NPEPPS: variants seen among roughly 807,000 people sequenced by gnomAD.
The protein encoded by NPEPPS is puromycin-sensitive aminopeptidase.
Under a neutral mutation model 115.5 loss-of-function variants are expected in NPEPPS, and 14 were observed. The observed-to-expected ratio is 0.12, with a 90% confidence interval of 0.08 to 0.19. The LOEUF is 0.19. Among genes scored for constraint, NPEPPS ranks in the 10% least tolerant of loss-of-function variants. The probability of loss-of-function intolerance (pLI) is 1.00; values close to 1 mark genes in which losing one functional copy is unlikely to be tolerated. For synonymous variants in NPEPPS, 285 were observed against 390.6 expected, an observed-to-expected ratio of 0.73 and a Z score of 3.19; for missense variants, 523 against 1,110.8, an observed-to-expected ratio of 0.47 and a Z score of 7.52.
chr17:47,540,670 A>G (rs1259583827), intron 1 of NPEPPS, among the ~76,000 whole-genome samples: 1 of 152,218 alleles, frequency 6.6e-6, no homozygotes, highest in Non-Finnish European at 1.5e-5. Flanking sequence ...GAAGCTTTAT[A>G]AACTGTTAGG....
At chr17:47,567,031 G>C (rs1910865867) in intron 2 of NPEPPS, among the ~76,000 whole-genome samples, 1 of 152,124 alleles carries the variant, frequency 6.6e-6, no homozygotes, top group Non-Finnish European at 1.5e-5. Context: ...AGTGAGTTGA[G>C]ATAGCGCCAC....
intron 15 of NPEPPS, 143 bp from the exon 16 acceptor site, chr17:47,603,772 T>TTTTA (rs1274779752): frequency 1.5e-6 from 1 of 660,412 alleles, no homozygotes; most frequent in Non-Finnish European, 2.5e-6. Flanking sequence ...TGTTGTCTTG[T>TTTTA]TTTAATCCAT....
intron 12 of NPEPPS, 133 bp from the exon 13 acceptor site, chr17:47,596,220 T>C: frequency 1.8e-6 from 1 of 566,036 alleles, no homozygotes; most frequent in Non-Finnish European, 3.2e-6. Context: ...GGAATGTTAA[T>C]TTGGCTCACT....
intron 2 of NPEPPS, among the ~76,000 whole-genome samples, chr17:47,558,822 CAGG>C (rs1910236810): frequency 6.6e-6 from 1 of 152,024 alleles, no homozygotes; most frequent in Non-Finnish European, 1.5e-5. Context: ...ATCACAAGGT[CAGG>C]AGATCGAGAC....
At chr17:47,557,522 A>AT (rs1910131731) in intron 2 of NPEPPS, 2 of 149,298 alleles carry the variant, frequency 1.3e-5, no homozygotes, top group South Asian at 4.4e-4. Context: ...TAAAAAAAAA[A>AT]CAAAAAACAA....
chr17:47,545,664 T>TCC (rs1909150481), intron 1 of NPEPPS, among the ~76,000 whole-genome samples: 2 of 152,174 alleles, frequency 1.3e-5, no homozygotes, highest in African/African-American at 4.8e-5. Context: ...TCCTCCCACT[T>TCC]CAACCTCCCG....
chr17:47,588,283 C>G (rs1413841029), intron 9 of NPEPPS, among the ~76,000 whole-genome samples: 1 of 151,944 alleles, frequency 6.6e-6, no homozygotes, highest in Non-Finnish European at 1.5e-5. Flanking sequence ...AATTTCAGGC[C>G]GGGCACGGTG....
Position 47,605,501 on chromosome 17 carries a change from G to A in NPEPPS, c.2044G>A (p.Val682Ile). 1.2e-6 allele frequency: 2 copies of A among 1,602,542 alleles called. No homozygotes were observed. Among genetic ancestry groups the A allele is most frequent in the Non-Finnish European group, 1.7e-6 (2 of 1,173,866 alleles). ...GGAAATCCAGGAGTTTGTGAAAGAT[G>A]TCTTTTCACCTATAGGGGAGAGACT... The part of the protein sequence containing the change: ...YEEIQEFVKD[V>I]FSPIGERLGW... The change falls in exon 17 of 23, where the codon GTC becomes ATC. Residue 682 changes from valine (V) to isoleucine (I), a missense_variant. By Grantham distance (29) the Val-to-Ile change is conservative. Transcript: ENST00000322157.
At chr17:47,601,237 A>C (rs2143914013) in intron 14 of NPEPPS, among the ~76,000 whole-genome samples, 1 of 151,628 alleles carries the variant, frequency 6.6e-6, no homozygotes, top group East Asian at 1.9e-4. Flanking sequence ...TCTGTCTCCA[A>C]AAAAAAATAT....
chr17:47,587,356 TTTTAAGTGCTCAAATA>T lies in NPEPPS; in HGVS notation c.1095+14_1095+29del. The T allele has an allele frequency of 6.7e-7, 1 of 1,493,090 alleles. No individual in the cohort carries two copies. The highest frequency in any genetic ancestry group is 1.4e-5 in the South Asian group (1 of 71,770). 92.5% of individuals were successfully genotyped at this position (1,493,090 alleles called of 1,614,324 possible). A position where few individuals can be genotyped will look rare whatever the true frequency, so the allele number is the denominator to read the frequency against. ...ATCTTGTTACTATGGTATTTAATAT[TTTTAAGTGCTCAAATA>T]TATTTATCTTCATCCTACTCCACAT... On this transcript the variant is annotated intron_variant, in intron 9 of 22. Coordinates refer to ENST00000322157, the MANE Select transcript of NPEPPS (RefSeq NM_006310.4).
chr17:47,540,403 T>C (rs1363249045), intron 1 of NPEPPS, among the ~76,000 whole-genome samples: 1 of 152,150 alleles, frequency 6.6e-6, no homozygotes, highest in Admixed American at 6.6e-5. Flanking sequence ...GTTTTTTTGA[T>C]AGTGGAACAC....
intron 12 of NPEPPS, among the ~76,000 whole-genome samples, chr17:47,593,819 C>A (rs1257702418): frequency 6.6e-6 from 1 of 152,110 alleles, no homozygotes; most frequent in African/African-American, 2.4e-5. Context: ...TATTTGTATA[C>A]CTGAACATTT....
chr17:47,549,214 G>T (rs1909455439), intron 2 of NPEPPS, among the ~76,000 whole-genome samples: 1 of 151,682 alleles, frequency 6.6e-6, no homozygotes, highest in South Asian at 2.1e-4. Context: ...GTGGTGGCGG[G>T]TGCCTGTAAT....
At chr17:47,605,934 A>G (rs188589422) in intron 17 of NPEPPS, among the ~76,000 whole-genome samples, 3 of 152,096 alleles carry the variant, frequency 2.0e-5, no homozygotes, top group Non-Finnish European at 2.9e-5. Flanking sequence ...CTGGAGTGCA[A>G]TGGCGCGATC....
At chr17:47,571,136 C>A (rs112523810) in intron 3 of NPEPPS, among the ~76,000 whole-genome samples, 1 of 152,156 alleles carries the variant, frequency 6.6e-6, no homozygotes, top group East Asian at 1.9e-4. Flanking sequence ...GTGAATTCTT[C>A]ACCCTGTAAA....
chr17:47,545,974 T>C lies in NPEPPS; in HGVS notation c.321T>C (p.Tyr107=), dbSNP rs759547576. ...ATATTGATATTATTACAGCTTCATA[T>C]GCACCAGAAGGAGATGAAGGTAAGA... ...CADIDIITAS[Y]APEGDEEIHA... The change falls in exon 2 of 23, where the codon TAT becomes TAC. Residue 107 remains tyrosine (Y), a synonymous_variant. Coordinates refer to ENST00000322157, the MANE Select transcript of NPEPPS (RefSeq NM_006310.4). The C allele has an allele frequency of 1.3e-6, 2 of 1,551,080 alleles. No individual in the cohort carries two copies. Among genetic ancestry groups the C allele is most frequent in the Non-Finnish European group, 1.7e-6 (2 of 1,146,536 alleles).
intron 2 of NPEPPS, among the ~76,000 whole-genome samples, chr17:47,561,440 C>T (rs1230828515): frequency 6.6e-6 from 1 of 151,862 alleles, no homozygotes; most frequent in Non-Finnish European, 1.5e-5. Context: ...ATAGAACACC[C>T]ATAGTCCCTG....
Position 47,621,649 on chromosome 17 carries a change from A to G in NPEPPS, c.2608-119A>G, listed in dbSNP as rs531416320. 1.0e-5 allele frequency: 10 copies of G among 980,090 alleles called. No individual in the cohort carries two copies. In the East Asian group the frequency reaches 2.0e-4, roughly 20 times the overall value. The allele number at this position is 980,090 out of a possible 1,614,324, so 60.7% of individuals were successfully genotyped here. ...TTTAGCCTGAGGGTGGCAGTGGTAA[A>G]TTCTCATGCCTGAAGATTATGCATC... On this transcript the variant is annotated intron_variant, in intron 22 of 22. Coordinates refer to ENST00000322157, the MANE Select transcript of NPEPPS (RefSeq NM_006310.4).
intron 12 of NPEPPS, 162 bp from the exon 13 acceptor site, chr17:47,596,191 C>G (rs1383438796): frequency 1.9e-6 from 1 of 513,608 alleles, no homozygotes; most frequent in Non-Finnish European, 3.5e-6. Flanking sequence ...TACTTAGTTG[C>G]AGAAGAGGGG....
Sources: allele counts gnomAD v4.1 joint callset (sites outside exome capture counted in the v4.1 genomes callset), GRCh38; gene constraint gnomAD v4.1.1; transcripts MANE v1.5; gene names NCBI Gene and HGNC (gene_info 2026-07-23, HGNC 2026-07-21).